The following SLC4A10 variants were observed in gnomAD, a reference collection of about 807,000 sequenced individuals.
SLC4A10 encodes the protein solute carrier family 4 member 10, also known as sodium-driven chloride bicarbonate exchanger.
A neutral mutation model predicts 137.7 loss-of-function variants in SLC4A10; 42 were observed. The ratio of observed to expected loss-of-function variants is 0.30; its 90% confidence interval spans 0.24 to 0.39. The LOEUF is 0.39. Ranked by LOEUF, SLC4A10 falls within the 10% of genes least tolerant of loss-of-function variation. The pLI is 1.00. For missense variants in SLC4A10, 925 were observed against 1,355.0 expected (o/e 0.68, Z 4.98); for synonymous variants, 474 against 464.1 (o/e 1.02, Z -0.27).
intron 1 of SLC4A10, among the ~76,000 whole-genome samples, chr2:161,627,616 G>C (rs1249523594): frequency 6.6e-6 from 1 of 152,080 alleles, no homozygotes; most frequent in Admixed American, 6.6e-5. Context: ...AGGAGGCCTA[G>C]ATATGTTTCT....
At chr2:161,899,360 C>A (rs72865233) in intron 11 of SLC4A10, among the ~76,000 whole-genome samples, 3 of 152,132 alleles carry the variant, frequency 2.0e-5, no homozygotes, top group Non-Finnish European at 4.4e-5. Flanking sequence ...CAGAAGAGTT[C>A]TCTGTGCTAC....
intron 1 of SLC4A10, among the ~76,000 whole-genome samples, chr2:161,755,889 C>G (rs946884606): frequency 2.0e-5 from 3 of 151,748 alleles, no homozygotes; most frequent in Non-Finnish European, 4.4e-5. Context: ...CCTGCCTCAG[C>G]CTCTCAAGTA....
At chr2:161,849,689 G>A (rs1381781677) in intron 4 of SLC4A10, among the ~76,000 whole-genome samples, 2 of 151,976 alleles carry the variant, frequency 1.3e-5, no homozygotes, top group African/African-American at 2.4e-5. Flanking sequence ...TTCTGTTTAT[G>A]TAATAAATAA....
chr2:161,934,109 G>C (rs189517392), intron 15 of SLC4A10, among the ~76,000 whole-genome samples: 3 of 152,270 alleles, frequency 2.0e-5, no homozygotes, highest in Admixed American at 2.0e-4. Context: ...GATCACATCA[G>C]AGTAAATGAG....
intron 3 of SLC4A10, among the ~76,000 whole-genome samples, chr2:161,833,382 A>G (rs951996867): frequency 6.6e-6 from 1 of 152,202 alleles, no homozygotes; most frequent in African/African-American, 2.4e-5. Flanking sequence ...ATCAAGGGGA[A>G]ACTATAGATG....
At chr2:161,636,949 T>G (rs959993708) in intron 1 of SLC4A10, among the ~76,000 whole-genome samples, 12 of 150,686 alleles carry the variant, frequency 8.0e-5, no homozygotes, top group Non-Finnish European at 1.6e-4. Flanking sequence ...ACTACTAGCC[T>G]CAGGCAATCC....
intron 3 of SLC4A10, among the ~76,000 whole-genome samples, chr2:161,835,578 C>T (rs2058715566): frequency 6.6e-6 from 1 of 152,152 alleles, no homozygotes; most frequent in Non-Finnish European, 1.5e-5. Flanking sequence ...GCAGTTATCC[C>T]TACAATGGTA....
At chr2:161,689,397 A>G (rs578075089) in intron 1 of SLC4A10, among the ~76,000 whole-genome samples, 1 of 152,316 alleles carries the variant, frequency 6.6e-6, no homozygotes, top group African/African-American at 2.4e-5. Flanking sequence ...TTTAATGACT[A>G]GATAAGTTTG....
intron 6 of SLC4A10, among the ~76,000 whole-genome samples, chr2:161,864,987 A>G (rs116636888): frequency 0.016 from 2,443 of 152,208 alleles, 67 homozygotes; most frequent in African/African-American, 0.056. Context: ...ATGCATGCAG[A>G]TTTTATAAAA....
chr2:161,848,720 A>G (rs2059642784), intron 4 of SLC4A10, among the ~76,000 whole-genome samples: 1 of 151,932 alleles, frequency 6.6e-6, no homozygotes, highest in Non-Finnish European at 1.5e-5. Context: ...TGGGTCCTTT[A>G]ACCTGTTCCA....
At chr2:161,918,141 T>C (rs909463832) in intron 15 of SLC4A10, among the ~76,000 whole-genome samples, 22 of 152,142 alleles carry the variant, frequency 1.4e-4, no homozygotes, top group African/African-American at 5.3e-4. Context: ...AGAAGTGTTT[T>C]TGTTGTTTGT....
chr2:161,803,267 C>T (rs1210039035), intron 2 of SLC4A10, among the ~76,000 whole-genome samples: 1 of 152,052 alleles, frequency 6.6e-6, no homozygotes, highest in African/African-American at 2.4e-5. Context: ...AGACAGTTCC[C>T]ATGTATTTCC....
Position 161,828,808 on chromosome 2 carries a change from A to ATGTG in SLC4A10, c.278-10978_278-10977insGTGT, listed in dbSNP as rs56676229. On this transcript the variant is annotated intron_variant, in intron 3 of 26. Transcript: ENST00000446997. Reference sequence around the variant, plus strand: ...TATATATATATATATATATATATATATGTATAATCTACATCTGCATCAAAT... The same window carrying ATGTG: ...TATATATATATATATATATATATATATGTGTGTATAATCTACATCTGCATCAAAT... Among the ~76,000 whole-genome samples the ATGTG allele has an allele frequency of 1.5e-3, 184 of 122,516 alleles. 2 individuals are homozygous for ATGTG. The highest frequency in any genetic ancestry group is 4.0e-3 in the Middle Eastern group (1 of 250). 80.4% of individuals were successfully genotyped at this position (122,516 alleles called of 152,430 possible).
chr2:161,891,714 C>T (rs1411744036), intron 10 of SLC4A10, among the ~76,000 whole-genome samples: 1 of 151,944 alleles, frequency 6.6e-6, no homozygotes, highest in African/African-American at 2.4e-5. Flanking sequence ...CTTCAAGGTT[C>T]TTAGCTTCCT....
intron 1 of SLC4A10, among the ~76,000 whole-genome samples, chr2:161,716,918 T>C (rs1460299396): frequency 6.6e-6 from 1 of 152,214 alleles, no homozygotes; most frequent in African/African-American, 2.4e-5. Flanking sequence ...TGTTGATTCT[T>C]CTTATCCATG....
At chr2:161,881,927 C>G (rs1000352730) in intron 9 of SLC4A10, among the ~76,000 whole-genome samples, 5 of 151,942 alleles carry the variant, frequency 3.3e-5, no homozygotes, top group South Asian at 2.1e-4. Context: ...TATATTTTCT[C>G]TGTTTTGCTA....
intron 2 of SLC4A10, among the ~76,000 whole-genome samples, chr2:161,778,287 A>AT (rs1234190920): frequency 2.0e-5 from 3 of 151,878 alleles, no homozygotes; most frequent in Non-Finnish European, 4.4e-5. Flanking sequence ...AAGAGCTATC[A>AT]TTTTTCCCCA....
At chr2:161,857,739 A>T (rs1575314489) in intron 5 of SLC4A10, among the ~76,000 whole-genome samples, 1 of 152,184 alleles carries the variant, frequency 6.6e-6, no homozygotes, top group African/African-American at 2.4e-5. Context: ...CTAACTTTGC[A>T]AAGTATTTCC....
At position 161,874,021 on chromosome 2, in the gene SLC4A10, G is replaced by A. The variant is rs1181475693; in HGVS notation, c.948+16G>A. Reference sequence around the variant, plus strand: ...AGAGAGAGAGGTGAGGGCATACTCGGGCTCTATTTCTACAGTGGTTCAAAG... The same window carrying A: ...AGAGAGAGAGGTGAGGGCATACTCGAGCTCTATTTCTACAGTGGTTCAAAG... On this transcript the variant is annotated intron_variant, in intron 8 of 26. Coordinates refer to ENST00000446997, the MANE Select transcript of SLC4A10 (RefSeq NM_001178015.2). The A allele has an allele frequency of 6.4e-7, 1 of 1,574,450 alleles. No individual in the cohort carries two copies. The highest frequency in any genetic ancestry group is 8.6e-7 in the Non-Finnish European group (1 of 1,167,382).
Sources: gnomAD v4.1 joint callset for allele counts (sites outside exome capture counted in the v4.1 genomes callset) on GRCh38, gnomAD v4.1.1 for gene constraint, MANE v1.5 for transcripts, NCBI Gene and HGNC (gene_info 2026-07-23, HGNC 2026-07-21) for gene names.